Variants in GLIS1 observed in about 807,000 individuals in gnomAD.
GLIS1 encodes GLIS family zinc finger 1, also known as zinc finger protein GLIS1.
GLIS1 carries 24 observed loss-of-function variants against 63.8 expected under a neutral mutation model. That is an observed-to-expected ratio of 0.38 (90% CI 0.27 to 0.53). The LOEUF (loss-of-function observed/expected upper bound fraction) is 0.53, where lower values mean the gene tolerates loss of function less well. Ranked by LOEUF, GLIS1 falls within the 20% of genes least tolerant of loss-of-function variation. The probability of loss-of-function intolerance (pLI) is 0.85; values close to 1 mark genes in which losing one functional copy is unlikely to be tolerated. For missense variants in GLIS1, 1,036 were observed against 1,074.1 expected (o/e 0.96, Z 0.50); for synonymous variants, 450 against 482.5 (o/e 0.93, Z 0.88).
chr1:53,703,515 T>C (rs1646545794), intron 2 of GLIS1, among the ~76,000 whole-genome samples: 1 of 151,826 alleles, frequency 6.6e-6, no homozygotes, highest in South Asian at 2.1e-4. Flanking sequence ...GATGTACAAC[T>C]ATAGTCCTAA....
chr1:53,737,737 G>T, intron 2 of GLIS1, 69 bp downstream of exon 2: 2 of 1,221,054 alleles, frequency 1.6e-6, no homozygotes, highest in Non-Finnish European at 2.0e-6. Context: ...TCCCGAGCAC[G>T]CGGTGGCGAC....
intron 2 of GLIS1, among the ~76,000 whole-genome samples, chr1:53,709,182 G>A (rs549934205): frequency 3.2e-4 from 49 of 152,054 alleles, no homozygotes; most frequent in African/African-American, 1.1e-3. Flanking sequence ...AGTCAGAGAC[G>A]GAAGGGACTT....
At chr1:53,536,019 G>T (rs17108689) in intron 4 of GLIS1, among the ~76,000 whole-genome samples, 2 of 152,114 alleles carry the variant, frequency 1.3e-5, no homozygotes, top group Non-Finnish European at 2.9e-5. Flanking sequence ...ATGAATCAGG[G>T]TGAGCTCATT....
chr1:53,575,908 G>A (rs1326905408), intron 4 of GLIS1, among the ~76,000 whole-genome samples: 1 of 152,070 alleles, frequency 6.6e-6, no homozygotes. Context: ...GGCCCCAAGG[G>A]GGTACAGTGG....
At chr1:53,720,005 G>A (rs1426725774) in intron 2 of GLIS1, among the ~76,000 whole-genome samples, 1 of 151,968 alleles carries the variant, frequency 6.6e-6, no homozygotes, top group Non-Finnish European at 1.5e-5. Flanking sequence ...GTGAAACCCC[G>A]TCTCTACTAA....
At chr1:53,589,877 T>G (rs957413600) in intron 4 of GLIS1, among the ~76,000 whole-genome samples, 2 of 152,154 alleles carry the variant, frequency 1.3e-5, no homozygotes, top group Non-Finnish European at 2.9e-5. Flanking sequence ...ATGAACAAGA[T>G]GCAAAGAATC....
chr1:53,672,411 TC>T (rs1646162149), intron 2 of GLIS1, among the ~76,000 whole-genome samples: 1 of 152,154 alleles, frequency 6.6e-6, no homozygotes, highest in African/African-American at 2.4e-5. Flanking sequence ...TTTCTTACCT[TC>T]CTATCTGTTA....
chr1:53,579,782 G>C (rs1645067615), intron 4 of GLIS1, among the ~76,000 whole-genome samples: 1 of 152,226 alleles, frequency 6.6e-6, no homozygotes, highest in Non-Finnish European at 1.5e-5. Flanking sequence ...GGCTCAGAGG[G>C]AGAGGTGCAC....
At chr1:53,580,989 G>A (rs561721749) in intron 4 of GLIS1, among the ~76,000 whole-genome samples, 1 of 152,156 alleles carries the variant, frequency 6.6e-6, no homozygotes, top group South Asian at 2.1e-4. Flanking sequence ...GGACTTGATC[G>A]TAAATTCCTT....
chr1:53,738,001 C>T lies in GLIS1; in HGVS notation c.64G>A (p.Gly22Ser). ...KRPKEAPGAP[G>S]PDRGPASLGA... ...AGGCTGGCGGGGCCGCGGTCGGGGC[C>T]GGGCGCACCAGGGGCCTCCTTAGGC... The change falls in exon 2 of 11, where the codon GGC becomes AGC. Residue 22 changes from glycine to serine, a missense_variant. By Grantham distance (56) the Gly-to-Ser change is moderately conservative (BLOSUM62 0). Around this residue, in one of 3 missense-constraint regions of GLIS1, gnomAD observed 592 missense variants for 593.9 expected, o/e 1.00. Transcript: ENST00000628545. The T allele has an allele frequency of 8.1e-7, 1 of 1,230,628 alleles. No individual in the cohort carries two copies. Among genetic ancestry groups the T allele is most frequent in the African/African-American group, 1.6e-5 (1 of 64,446 alleles). 76.2% of individuals were successfully genotyped at this position (1,230,628 alleles called of 1,614,324 possible).
At chr1:53,674,421 G>A (rs1370227883) in intron 2 of GLIS1, among the ~76,000 whole-genome samples, 1 of 152,168 alleles carries the variant, frequency 6.6e-6, no homozygotes, top group African/African-American at 2.4e-5. Flanking sequence ...TTTAGGTACA[G>A]GAAAGTGTAA....
At chr1:53,514,863 G>A (rs982150367) in intron 7 of GLIS1, 82 bp from the exon 8 acceptor site, 64 of 1,414,488 alleles carry the variant, frequency 4.5e-5, no homozygotes, top group South Asian at 2.0e-4. Context: ...GTGTGTGCCT[G>A]ATGATGGAGA....
chr1:53,712,100 C>G (rs1174293894), intron 2 of GLIS1, among the ~76,000 whole-genome samples: 2 of 152,198 alleles, frequency 1.3e-5, no homozygotes, highest in Non-Finnish European at 2.9e-5. Flanking sequence ...TGATTTGAGT[C>G]CAGTTTTCAT....
rs888444355 is a variant in GLIS1, at chr1:53,560,831, C to T, written c.1321-30879G>A. Among the ~76,000 whole-genome samples the T allele has an allele frequency of 6.6e-6, 1 of 152,162 alleles. No homozygotes were observed. The highest frequency in any genetic ancestry group is 2.4e-5 in the African/African-American group (1 of 41,418). On this transcript the variant is annotated intron_variant, in intron 4 of 10. Coordinates refer to ENST00000628545, the MANE Select transcript of GLIS1 (RefSeq NM_001367484.1). The surrounding 1 kb of genome is among the most constrained non-coding windows in gnomAD (Gnocchi z 4.4). ...CCATACCTCAGTACCCCAGGCCTTG[C>T]CACCTGAAGGGGCAATACACCACAC... is the stretch of plus-strand genomic sequence containing the variant.
rs1644229913 is a variant in GLIS1 at position 53,506,257 on chromosome 1, G to GT, written c.*361dup. On this transcript the variant is annotated 3_prime_UTR_variant, in exon 11 of 11. Coordinates refer to ENST00000628545, the MANE Select transcript of GLIS1 (RefSeq NM_001367484.1). Reference sequence around the variant, plus strand: ...TCACATCTCCTTTCCAGTTTTTAATGTTTTTTCTTGTAAAACCAAAAATAT... The same window carrying GT: ...TCACATCTCCTTTCCAGTTTTTAATGTTTTTTTCTTGTAAAACCAAAAATAT... 1 of 240,400 alleles carries GT rather than the reference G, an allele frequency of 4.2e-6. No homozygotes were observed. The highest frequency in any genetic ancestry group is 8.1e-6 in the Non-Finnish European group (1 of 122,944). The allele number at this position is 240,400 out of a possible 1,614,324, so 14.9% of individuals were successfully genotyped here. A position where few individuals can be genotyped will look rare whatever the true frequency, so the allele number is the denominator to read the frequency against.
intron 2 of GLIS1, among the ~76,000 whole-genome samples, chr1:53,708,717 T>C (rs1288585943): frequency 6.6e-6 from 1 of 152,128 alleles, no homozygotes; most frequent in Non-Finnish European, 1.5e-5. Context: ...GGCTGACCTC[T>C]GGCTTCTCCT....
chr1:53,604,649 T>C (rs1418849692), intron 2 of GLIS1, among the ~76,000 whole-genome samples: 9 of 152,160 alleles, frequency 5.9e-5, no homozygotes, highest in Admixed American at 5.9e-4. Context: ...CACTGCACTT[T>C]ACAGTTTACA....
chr1:53,733,841 T>G (rs1158304900), intron 2 of GLIS1: 1 of 859,600 alleles, frequency 1.2e-6, no homozygotes. Flanking sequence ...TTAAAATGGA[T>G]GAAATGCAAG....
chr1:53,632,663 C>G (rs1645671216), intron 2 of GLIS1, among the ~76,000 whole-genome samples: 1 of 115,870 alleles, frequency 8.6e-6, no homozygotes, highest in East Asian at 2.8e-4. Flanking sequence ...GTGAATGAGA[C>G]TGAGGGGTGT....
Sources: allele counts gnomAD v4.1 joint callset (sites outside exome capture counted in the v4.1 genomes callset), GRCh38; gene constraint gnomAD v4.1.1; regional missense constraint gnomAD v4.1.1; non-coding constraint Gnocchi (gnomAD v3.1); transcripts MANE v1.5; gene names NCBI Gene and HGNC (gene_info 2026-07-23, HGNC 2026-07-21).